BTK: variants seen among roughly 807,000 people sequenced by gnomAD.
The protein encoded by BTK is tyrosine-protein kinase BTK.
Under a neutral mutation model 57.4 loss-of-function variants are expected in BTK, and 5 were observed. The ratio of observed to expected loss-of-function variants is 0.09; its 90% CI spans 0.05 to 0.18. The LOEUF is 0.18. Among genes scored for constraint, BTK ranks in the 10% least tolerant of loss-of-function variants. The pLI is 1.00. For missense variants in BTK, 194 were observed against 501.2 expected (o/e 0.39, Z 5.85); for synonymous variants, 154 against 174.3 (o/e 0.88, Z 0.92).
chrX:101,362,693 T>C lies in BTK; in HGVS notation c.392-4A>G. 1 of 1,211,715 alleles carries C rather than the reference T, an allele frequency of 8.3e-7. No individual in the cohort carries two copies. Among genetic ancestry groups the C allele is most frequent in the African/African-American group, 1.7e-5 (1 of 57,811 alleles). ...AGATCACTGTTGTACCGGATTACTG[T>C]AGCAGGAAAGAAGAGAGAGATCACA... On this transcript the variant is annotated splice_region_variant and splice_polypyrimidine_tract_variant and intron_variant, in intron 5 of 18. Transcript: ENST00000308731.
intron 1 of BTK, among the ~76,000 whole-genome samples, chrX:101,379,805 C>G (rs1183898173): frequency 8.9e-6 from 1 of 112,084 alleles, no homozygotes; most frequent in Non-Finnish European, 1.9e-5. Flanking sequence ...AGATCCTAAG[C>G]TCTTTCCTCT....
chrX:101,350,851 A>C (rs1472183200), intron 18 of BTK, among the ~76,000 whole-genome samples: 6 of 112,016 alleles, frequency 5.4e-5, no homozygotes, highest in Non-Finnish European at 1.9e-5. Flanking sequence ...AATCTGTTAG[A>C]ACCAATGGTC....
chrX:101,357,111 GATTC>G (rs1393760840), intron 13 of BTK, among the ~76,000 whole-genome samples, 156 bp from the exon 14 acceptor site: 5 of 111,926 alleles, frequency 4.5e-5, no homozygotes, highest in African/African-American at 1.6e-4. Context: ...TCAGAAACGG[GATTC>G]ATTGGTTAGA....
At chrX:101,382,027 G>A (rs1314416995) in intron 1 of BTK, among the ~76,000 whole-genome samples, 8 of 92,396 alleles carry the variant, frequency 8.7e-5, no homozygotes, top group African/African-American at 2.1e-4. Flanking sequence ...GTCAGACTCC[G>A]TCTCAAAAAA....
At chrX:101,385,096 AGGAAAT>A (rs1680530962) in intron 1 of BTK, among the ~76,000 whole-genome samples, 1 of 111,383 alleles carries the variant, frequency 9.0e-6, no homozygotes, top group Non-Finnish European at 1.9e-5. Context: ...GGCAGGGAGG[AGGAAAT>A]GGAAAGGGAA....
chrX:101,360,795 T>C, intron 7 of BTK, 40 bp from the exon 8 acceptor site: 9 of 1,149,922 alleles, frequency 7.8e-6, no homozygotes, highest in Non-Finnish European at 1.1e-5. Flanking sequence ...TTTGTCAAGA[T>C]ACCAAGCACT....
rs1927015872 is a variant in BTK at position 101,371,082 on chromosome X, A to G, written c.309+551T>C. ...TTGCAGAGGCTGCTATATTCACGAC[A>G]TGTGGCCTACAGAGTTCTCAGGATG... is the stretch of plus-strand genomic sequence containing the variant. On this transcript the variant is annotated intron_variant, in intron 4 of 18. Transcript: ENST00000308731. 2.7e-5 allele frequency among the ~76,000 whole-genome samples: 3 copies of G among 112,206 alleles called. No homozygotes were observed. In the South Asian group the frequency reaches 1.1e-3, roughly 42 times the overall value.
intron 10 of BTK, among the ~76,000 whole-genome samples, 160 bp downstream of exon 10, chrX:101,359,133 G>A (rs782130345): frequency 2.2e-4 from 24 of 111,591 alleles, no homozygotes; most frequent in Non-Finnish European, 3.6e-4. Flanking sequence ...CCGAGAGTCC[G>A]TCTCAGAAAA....
At chrX:101,351,889 C>A (rs782419419) in intron 18 of BTK, among the ~76,000 whole-genome samples, 5 of 112,087 alleles carry the variant, frequency 4.5e-5, no homozygotes, top group Non-Finnish European at 7.5e-5. Context: ...TTTAGCCGGG[C>A]GCTGTGGCTC....
At chrX:101,376,270 G>A (rs2147449349) in intron 1 of BTK, among the ~76,000 whole-genome samples, 1 of 112,117 alleles carries the variant, frequency 8.9e-6, no homozygotes, top group African/African-American at 3.2e-5. Flanking sequence ...TATGCACAGT[G>A]TAATATTATT....
At chrX:101,378,495 A>G (rs1408848397) in intron 1 of BTK, among the ~76,000 whole-genome samples, 1 of 107,689 alleles carries the variant, frequency 9.3e-6, no homozygotes, top group Admixed American at 1.0e-4. Flanking sequence ...TGAAGGGTGG[A>G]AATGGAAGTG....
At chrX:101,363,544 C>T (rs1278308885) in intron 5 of BTK, among the ~76,000 whole-genome samples, 7 of 109,511 alleles carry the variant, frequency 6.4e-5, no homozygotes, top group African/African-American at 2.3e-4. Context: ...GATGGTGAAA[C>T]CCCGTCTCCA....
At position 101,356,835 on chromosome X, in the gene BTK, T is replaced by C; in HGVS notation, c.1298A>G (p.Lys433Arg). The C allele has an allele frequency of 8.3e-7, 1 of 1,211,683 alleles. No individual in the cohort carries two copies. The highest frequency in any genetic ancestry group is 3.0e-5 in the East Asian group (1 of 33,837). The change falls in exon 14 of 19, where the codon AAA (lysine) becomes AGA (arginine). Residue 433 changes from lysine (K) to arginine (R), a missense_variant. By Grantham distance (26) the Lys-to-Arg change is conservative. Around this residue, in one of 3 missense-constraint regions of BTK, gnomAD observed 79 missense variants for 217.7 expected, o/e 0.36. Transcript: ENST00000308731. ...GQYDVAIKMI[K>R]EGSMSEDEFI... Reference sequence around the variant, plus strand: ...TTCATCTTCAGACATGGAGCCTTCTTTGATCATCTTGATGGCCACGTCGTA... The same window carrying C: ...TTCATCTTCAGACATGGAGCCTTCTCTGATCATCTTGATGGCCACGTCGTA...
rs1555978204 is a variant in BTK, at chrX:101,358,715, A to G, written c.895-19T>C. The G allele has an allele frequency of 8.5e-7, 1 of 1,178,130 alleles. No individual in the cohort carries two copies. Among genetic ancestry groups the G allele is most frequent in the African/African-American group, 1.7e-5 (1 of 57,230 alleles). On this transcript the variant is annotated intron_variant, in intron 10 of 18. Coordinates refer to ENST00000308731, the MANE Select transcript of BTK (RefSeq NM_000061.3). Reference sequence around the variant, plus strand: ...CTTTCCCCTGAAACAACGAAAAAGAAGCTGTCTGTAGGAGGAAGTGGTGCT... The same window carrying G: ...CTTTCCCCTGAAACAACGAAAAAGAGGCTGTCTGTAGGAGGAAGTGGTGCT...
intron 5 of BTK, among the ~76,000 whole-genome samples, chrX:101,367,661 TA>T (rs1926904341): frequency 9.2e-6 from 1 of 108,557 alleles, no homozygotes; most frequent in Admixed American, 1.0e-4. Context: ...AATAAATAAA[TA>T]AATAAATAAA....
intron 11 of BTK, 70 bp from the exon 12 acceptor site, chrX:101,358,507 T>G: frequency 8.4e-7 from 1 of 1,190,979 alleles, no homozygotes; most frequent in South Asian, 1.8e-5. Context: ...TGAAGTGAGA[T>G]GAGTTTTGAG....
chrX:101,355,942 A>G (rs1440505225), intron 15 of BTK, 110 bp downstream of exon 15: 7 of 818,416 alleles, frequency 8.6e-6, no homozygotes, highest in Non-Finnish European at 1.3e-5. Context: ...TTCTAGATAA[A>G]ATTGAAATGA....
At chrX:101,382,285 C>T (rs1450776913) in intron 1 of BTK, among the ~76,000 whole-genome samples, 3 of 106,574 alleles carry the variant, frequency 2.8e-5, no homozygotes, top group African/African-American at 1.1e-4. Context: ...CCTTAGGGCT[C>T]TCTGGTTCTT....
chrX:101,362,887 T>C (rs1926718944), intron 5 of BTK, 198 bp from the exon 6 acceptor site: 2 of 503,438 alleles, frequency 4.0e-6, no homozygotes, highest in South Asian at 2.9e-5. Flanking sequence ...ACAGTTCCTG[T>C]GCAGTTTTCT....
Sources: gnomAD v4.1 joint callset for allele counts (sites outside exome capture counted in the v4.1 genomes callset) on GRCh38, gnomAD v4.1.1 for gene constraint, gnomAD v4.1.1 regional missense constraint, MANE v1.5 for transcripts, NCBI Gene and HGNC (gene_info 2026-07-23, HGNC 2026-07-21) for gene names.